The following GMDS variants were observed in gnomAD, a reference collection of about 807,000 sequenced individuals.
GMDS encodes GDP-mannose 4,6 dehydratase.
A neutral mutation model predicts 49.9 loss-of-function variants in GMDS; 20 were observed. That is an observed-to-expected ratio of 0.40 (90% CI 0.28 to 0.58). The LOEUF (loss-of-function observed/expected upper bound fraction) is 0.58. Ranked by LOEUF, GMDS falls within the 20% of genes least tolerant of loss-of-function variation. The probability of loss-of-function intolerance (pLI) is 0.42; values close to 1 mark genes in which losing one functional copy is unlikely to be tolerated. For missense variants in GMDS, 362 were observed against 481.4 expected (o/e 0.75, Z 2.32); for synonymous variants, 177 against 178.6 (o/e 0.99, Z 0.07).
At chr6:2,054,832 A>G (rs1770688808) in intron 4 of GMDS, among the ~76,000 whole-genome samples, 3 of 152,036 alleles carry the variant, frequency 2.0e-5, no homozygotes, top group Admixed American at 6.5e-5. Context: ...AAAAAACCAC[A>G]TGATCCATTT....
At chr6:1,883,444 T>C (rs927513871) in intron 7 of GMDS, among the ~76,000 whole-genome samples, 1 of 152,200 alleles carries the variant, frequency 6.6e-6, no homozygotes, top group Non-Finnish European at 1.5e-5. Context: ...CAATTGTCCA[T>C]TTATCTTTTT....
intron 4 of GMDS, among the ~76,000 whole-genome samples, chr6:2,021,990 C>T (rs1407437672): frequency 6.6e-6 from 1 of 152,126 alleles, no homozygotes; most frequent in Admixed American, 6.5e-5. Context: ...TTGTGTAATC[C>T]TAATAAGCCA....
intron 4 of GMDS, among the ~76,000 whole-genome samples, chr6:2,042,419 C>G (rs1263330490): frequency 6.6e-6 from 1 of 152,148 alleles, no homozygotes; most frequent in Non-Finnish European, 1.5e-5. Flanking sequence ...CCCACCTGCA[C>G]TCAAACTCGT....
rs1163745658 is a variant in GMDS at position 1,699,092 on chromosome 6, T to C, written c.987+27324A>G. Among the ~76,000 whole-genome samples, 9 of 152,078 alleles carry C rather than the reference T, an allele frequency of 5.9e-5. No homozygotes were observed. The South Asian group carries it at 1.5e-3, about 25-fold the overall frequency. ...AAGATCTCTTAGTGTCCATGTGTGA[T>C]AGAACAGCACATGCCTACACTGTGT... On this transcript the variant is annotated intron_variant, in intron 9 of 10. Coordinates refer to ENST00000380815, the MANE Select transcript of GMDS (RefSeq NM_001500.4).
At chr6:1,702,017 T>C (rs1186451685) in intron 9 of GMDS, among the ~76,000 whole-genome samples, 1 of 152,244 alleles carries the variant, frequency 6.6e-6, no homozygotes, top group Non-Finnish European at 1.5e-5. Context: ...GTGTGAGAGA[T>C]TCTTCTCAAA....
intron 9 of GMDS, among the ~76,000 whole-genome samples, chr6:1,703,155 G>T (rs1331968791): frequency 3.9e-5 from 6 of 152,204 alleles, no homozygotes; most frequent in Admixed American, 3.9e-4. Flanking sequence ...AAACAGAGGA[G>T]TTCCTGCATG....
rs1216689187 is a variant in GMDS at position 1,652,407 on chromosome 6, TATTATATATA to T, written c.988-27877_988-27868del. Reference sequence around the variant, plus strand: ...TATATATATATTATATATATATATATATTATATATAATATATATATAATATATTATATATA... The same window carrying T: ...TATATATATATTATATATATATATATATATATATATAATATATTATATATA... On this transcript the variant is annotated intron_variant, in intron 9 of 10. Transcript: ENST00000380815. Among the ~76,000 whole-genome samples, 10 of 2,336 alleles carry T rather than the reference TATTATATATA, an allele frequency of 4.3e-3. 1 individual carries two copies. Among genetic ancestry groups the T allele is most frequent in the Admixed American group, 0.024 (3 of 124 alleles). 1.5% of individuals were successfully genotyped at this position (2,336 alleles called of 152,430 possible). A position where few individuals can be genotyped will look rare whatever the true frequency, so the allele number is the denominator to read the frequency against.
chr6:1,955,907 T>G (rs942170615), intron 6 of GMDS, among the ~76,000 whole-genome samples: 1 of 152,198 alleles, frequency 6.6e-6, no homozygotes, highest in Non-Finnish European at 1.5e-5. Flanking sequence ...ATGTATATCA[T>G]CAGTTACTAG....
chr6:1,891,617 A>G (rs1759872381), intron 7 of GMDS, among the ~76,000 whole-genome samples: 1 of 152,250 alleles, frequency 6.6e-6, no homozygotes, highest in East Asian at 1.9e-4. Flanking sequence ...CCTTAGTGTT[A>G]GGTCAAGAAG....
chr6:2,016,258 C>CAA (rs747956143), intron 4 of GMDS, among the ~76,000 whole-genome samples: 6 of 105,542 alleles, frequency 5.7e-5, no homozygotes, highest in African/African-American at 1.1e-4. Flanking sequence ...GGCTCGGTCT[C>CAA]AAAAAAAAAA....
chr6:2,034,421 G>A (rs1241125450), intron 4 of GMDS, among the ~76,000 whole-genome samples: 1 of 152,142 alleles, frequency 6.6e-6, no homozygotes, highest in Non-Finnish European at 1.5e-5. Flanking sequence ...AGGAATGTTG[G>A]TGCCAATGGG....
intron 9 of GMDS, among the ~76,000 whole-genome samples, chr6:1,678,634 C>G (rs1448125095): frequency 6.6e-6 from 1 of 151,634 alleles, no homozygotes; most frequent in South Asian, 2.1e-4. Flanking sequence ...AAAGGTAACA[C>G]GTAAAGCAGG....
At chr6:1,672,803 T>C (rs966743373) in intron 9 of GMDS, among the ~76,000 whole-genome samples, 4 of 152,242 alleles carry the variant, frequency 2.6e-5, no homozygotes, top group Non-Finnish European at 5.9e-5. Context: ...GTGCTCTGTC[T>C]GACGCTGCAT....
chr6:2,043,463 C>T (rs769432086), intron 4 of GMDS: 3 of 152,478 alleles, frequency 2.0e-5, no homozygotes, highest in Non-Finnish European at 2.9e-5. Context: ...AGCAGCACAG[C>T]CCTGTCTCCA....
intron 1 of GMDS, among the ~76,000 whole-genome samples, chr6:2,161,912 T>C (rs958463668): frequency 2.0e-5 from 3 of 152,210 alleles, no homozygotes; most frequent in Admixed American, 1.3e-4. Context: ...CAGGAGTCAC[T>C]GTCAATAAAC....
intron 4 of GMDS, among the ~76,000 whole-genome samples, chr6:2,103,645 T>G (rs1774052608): frequency 1.3e-5 from 2 of 152,200 alleles, no homozygotes; most frequent in African/African-American, 4.8e-5. Flanking sequence ...CTTCCGAATC[T>G]CAGTTTCTAC....
At chr6:1,904,650 C>G (rs1760666329) in intron 7 of GMDS, among the ~76,000 whole-genome samples, 1 of 152,216 alleles carries the variant, frequency 6.6e-6, no homozygotes, top group African/African-American at 2.4e-5. Context: ...AACAGTGACT[C>G]GCCGGCTCCC....
rs68171156 is a variant in GMDS at position 2,243,843 on chromosome 6, C to CTTTTTTTTTT, written c.102+1468_102+1477dup. The stretch of plus-strand genomic sequence containing the variant: ...ATCTGGCCAATTTCAACTTCTCCTT[C>CTTTTTTTTTT]TTTTTTTTTTTTTTTTTTTTTTTTT... On this transcript the variant is annotated intron_variant, in intron 1 of 10. Transcript: ENST00000380815. Among the ~76,000 whole-genome samples the CTTTTTTTTTT allele has an allele frequency of 1.6e-3, 91 of 58,160 alleles. 17 individuals are homozygous for CTTTTTTTTTT. Among genetic ancestry groups the CTTTTTTTTTT allele is most frequent in the African/African-American group, 5.2e-3 (86 of 16,668 alleles). 38.2% of individuals were successfully genotyped at this position (58,160 alleles called of 152,430 possible). A position where few individuals can be genotyped will look rare whatever the true frequency, so the allele number is the denominator to read the frequency against.
In GMDS at chr6:2,159,514, CTTTTTTTTTTTT is replaced by C. The variant is rs1157303919; in HGVS notation, c.103-34795_103-34784del. Among the ~76,000 whole-genome samples, 5 of 108,204 alleles carry C rather than the reference CTTTTTTTTTTTT, an allele frequency of 4.6e-5. No homozygotes were observed. In the Admixed American group the frequency reaches 4.9e-4, roughly 11 times the overall value. 71.0% of individuals were successfully genotyped at this position (108,204 alleles called of 152,430 possible). A position where few individuals can be genotyped will look rare whatever the true frequency, so the allele number is the denominator to read the frequency against. On this transcript the variant is annotated intron_variant, in intron 1 of 10. Coordinates refer to ENST00000380815, the MANE Select transcript of GMDS (RefSeq NM_001500.4). ...TAATTTTTTCAATATTTCTTTTTTT[CTTTTTTTTTTTT>C]TTTTTTTTTTGAGACAGAGTCTTGC...
Sources: gnomAD v4.1 joint callset for allele counts (sites outside exome capture counted in the v4.1 genomes callset) on GRCh38, gnomAD v4.1.1 for gene constraint, MANE v1.5 for transcripts, NCBI Gene and HGNC (gene_info 2026-07-23, HGNC 2026-07-21) for gene names.